The following PCDH11X variants were observed in gnomAD, a reference collection of about 807,000 sequenced individuals.
The protein encoded by PCDH11X is protocadherin-11 X-linked.
PCDH11X carries 18 observed loss-of-function variants against 53.3 expected under a neutral mutation model. The ratio of observed to expected loss-of-function variants is 0.34; its 90% CI spans 0.23 to 0.50. The LOEUF (loss-of-function observed/expected upper bound fraction) is 0.50. Among genes scored for constraint, PCDH11X ranks in the 20% least tolerant of loss-of-function variants. The pLI is 0.98. For synonymous variants in PCDH11X, 279 were observed against 393.3 expected, an observed-to-expected ratio of 0.71 and a Z score of 3.44; for missense variants, 570 against 1,032.4, an observed-to-expected ratio of 0.55 and a Z score of 6.14.
At chrX:91,788,075 A>T (rs1935394070) in intron 1 of PCDH11X, among the ~76,000 whole-genome samples, 1 of 111,707 alleles carries the variant, frequency 9.0e-6, no homozygotes, top group African/African-American at 3.3e-5. Flanking sequence ...TGATAGCATG[A>T]ATTAATTTAT....
intron 6 of PCDH11X, among the ~76,000 whole-genome samples, chrX:92,175,698 C>G (rs2065894057): frequency 9.6e-6 from 1 of 104,618 alleles, no homozygotes; most frequent in Admixed American, 1.1e-4. Flanking sequence ...ATACATGTGT[C>G]CCTGTAACTA....
At chrX:91,875,864 C>T (rs1448989054) in intron 5 of PCDH11X, among the ~76,000 whole-genome samples, 1 of 108,890 alleles carries the variant, frequency 9.2e-6, no homozygotes. Flanking sequence ...TATTTTTTTT[C>T]CATCTGCTAA....
rs762954098 is a variant in PCDH11X at position 91,903,404 on chromosome X, C to A, written c.3033+24131C>A. Among the ~76,000 whole-genome samples the A allele has an allele frequency of 2.7e-5, 3 of 111,242 alleles. No homozygotes were observed. The South Asian group carries it at 1.1e-3, about 42-fold the overall frequency. On this transcript the variant is annotated intron_variant, in intron 6 of 10. Coordinates refer to ENST00000682573, the MANE Select transcript of PCDH11X (RefSeq NM_032968.5). ...GTATAAATACCCGTTTTTTAGTATA[C>A]TAAACAAAACTCTCCATGGTGTGGT...
At position 92,047,092 on chromosome X, in the gene PCDH11X, A is replaced by G. The variant is rs1345788447; in HGVS notation, c.3034-154283A>G. On this transcript the variant is annotated intron_variant, in intron 6 of 10. Coordinates refer to ENST00000682573, the MANE Select transcript of PCDH11X (RefSeq NM_032968.5). Reference sequence around the variant, plus strand: ...CAATGGTTTATTTTCTCTTTAGGATATATCTTGAGAGGAGTAAGATATTTT... The same window carrying G: ...CAATGGTTTATTTTCTCTTTAGGATGTATCTTGAGAGGAGTAAGATATTTT... Among the ~76,000 whole-genome samples the G allele has an allele frequency of 7.5e-5, 6 of 79,830 alleles. 1 individual carries two copies. The highest frequency in any genetic ancestry group is 1.2e-4 in the Non-Finnish European group (6 of 48,902). 69.3% of individuals were successfully genotyped at this position (79,830 alleles called of 115,157 possible).
chrX:91,828,201 G>C (rs1318529803), intron 4 of PCDH11X, among the ~76,000 whole-genome samples: 1 of 103,308 alleles, frequency 9.7e-6, no homozygotes, highest in Non-Finnish European at 2.0e-5. Flanking sequence ...CTCACTGCAA[G>C]CTCCGCCTCC....
At chrX:92,494,763 A>C (rs1409255072) in intron 10 of PCDH11X, among the ~76,000 whole-genome samples, 2 of 99,925 alleles carry the variant, frequency 2.0e-5, no homozygotes, top group Non-Finnish European at 4.0e-5. Flanking sequence ...TAAATGCATA[A>C]GATTTATGAA....
In PCDH11X at chrX:92,258,372, T is replaced by C. The variant is rs904887855; in HGVS notation, c.3115-4742T>C. On this transcript the variant is annotated intron_variant, in intron 7 of 10. Coordinates refer to ENST00000682573, the MANE Select transcript of PCDH11X (RefSeq NM_032968.5). ...CCTTTTAGTTATGCAAATTTCTTTTTTTTTTTTTTTTTTGAGACAGAGTCT... is the reference window on the plus strand; with the variant it reads ...CCTTTTAGTTATGCAAATTTCTTTTCTTTTTTTTTTTTTGAGACAGAGTCT... Among the ~76,000 whole-genome samples the C allele has an allele frequency of 5.6e-5, 6 of 106,406 alleles. No individual in the cohort carries two copies. In the Admixed American group the frequency reaches 6.0e-4, roughly 11 times the overall value. The allele number at this position is 106,406 out of a possible 115,157, so 92.4% of individuals were successfully genotyped here.
intron 5 of PCDH11X, among the ~76,000 whole-genome samples, chrX:91,863,346 T>G (rs750860544): frequency 8.9e-6 from 1 of 111,777 alleles, no homozygotes; most frequent in Non-Finnish European, 1.9e-5. Context: ...CCTTTATCAT[T>G]ATATACTGAC....
intron 8 of PCDH11X, among the ~76,000 whole-genome samples, chrX:92,366,804 T>G (rs2070484192): frequency 9.4e-6 from 1 of 106,203 alleles, no homozygotes; most frequent in African/African-American, 3.4e-5. Flanking sequence ...GATGTGGTTT[T>G]GAGTGAGTTT....
chrX:92,516,301 G>C (rs1488152310), intron 10 of PCDH11X, among the ~76,000 whole-genome samples: 1 of 111,242 alleles, frequency 9.0e-6, no homozygotes, highest in Non-Finnish European at 1.9e-5. Context: ...AACAGAACAG[G>C]ACTAAACAAA....
chrX:92,222,144 AT>A (rs67936112), intron 7 of PCDH11X, among the ~76,000 whole-genome samples: 20,506 of 105,140 alleles, frequency 0.2, 1,628 homozygotes, highest in East Asian at 0.45. Context: ...TCTTCAATAG[AT>A]TTTTTTTTTT....
chrX:92,472,121 T>A (rs1327938783), intron 10 of PCDH11X, among the ~76,000 whole-genome samples: 1 of 110,889 alleles, frequency 9.0e-6, no homozygotes, highest in African/African-American at 3.3e-5. Context: ...ATCTCATTCG[T>A]CAGTTTTTGC....
chrX:91,857,361 G>A (rs903516069), intron 5 of PCDH11X, among the ~76,000 whole-genome samples: 29 of 111,379 alleles, frequency 2.6e-4, no homozygotes, highest in African/African-American at 6.9e-4. Context: ...GGGACACAGC[G>A]AAACCATATT....
chrX:92,312,636 GA>G (rs773262657), intron 8 of PCDH11X, among the ~76,000 whole-genome samples: 1 of 110,965 alleles, frequency 9.0e-6, no homozygotes, highest in African/African-American at 3.3e-5. Context: ...TCCAATTGTA[GA>G]AATGGCAAGC....
rs746211505 is a variant in PCDH11X at position 91,878,074 on chromosome X, G to A, written c.1834G>A (p.Glu612Lys). 1.3e-5 allele frequency: 16 copies of A among 1,206,926 alleles called. No homozygotes were observed. Among genetic ancestry groups the A allele is most frequent in the Non-Finnish European group, 1.8e-5 (16 of 892,916 alleles). ...NSAVTLSILD[E>K]NDDFTIDSQT... is the part of the protein sequence containing the mutation. The stretch of plus-strand genomic sequence containing the variant: ...TGCAGTTACGCTCTCCATTTTAGAT[G>A]AGAATGATGACTTCACCATTGATTC... Residue 612 changes from glutamate to lysine, a missense_variant, in exon 6 of 11, where the codon GAG becomes AAG. Coordinates refer to ENST00000682573, the MANE Select transcript of PCDH11X (RefSeq NM_032968.5).
chrX:91,976,091 C>T (rs897137824), intron 6 of PCDH11X, among the ~76,000 whole-genome samples: 3 of 111,508 alleles, frequency 2.7e-5, no homozygotes, highest in Non-Finnish European at 3.8e-5. Context: ...CCCACTCTGT[C>T]GCCCAGGCTG....
intron 6 of PCDH11X, among the ~76,000 whole-genome samples, chrX:92,048,190 C>T (rs1251126013): frequency 2.1e-5 from 2 of 94,176 alleles, no homozygotes; most frequent in African/African-American, 7.5e-5. Context: ...CACATCATTT[C>T]AAAATACAAA....
intron 6 of PCDH11X, among the ~76,000 whole-genome samples, chrX:91,976,000 C>A (rs1177533629): frequency 9.0e-6 from 1 of 111,203 alleles, no homozygotes. Context: ...TAGCCATAGA[C>A]CCATCGTGTC....
At chrX:92,590,077 C>T (rs1274981803) in intron 10 of PCDH11X, among the ~76,000 whole-genome samples, 2 of 108,778 alleles carry the variant, frequency 1.8e-5, no homozygotes, top group Non-Finnish European at 3.8e-5. Flanking sequence ...ACCAACCCCA[C>T]CCAATTTATC....
Sources: gnomAD v4.1 joint callset for allele counts (sites outside exome capture counted in the v4.1 genomes callset) on GRCh38, gnomAD v4.1.1 for gene constraint, MANE v1.5 for transcripts, NCBI Gene and HGNC (gene_info 2026-07-23, HGNC 2026-07-21) for gene names.